GALNTL6: variants seen among roughly 807,000 people sequenced by gnomAD.
The protein encoded by GALNTL6 is polypeptide N-acetylgalactosaminyltransferase-like 6.
Under a neutral mutation model 73.7 loss-of-function variants are expected in GALNTL6, and 46 were observed. The ratio of observed to expected loss-of-function variants is 0.62; its 90% CI spans 0.49 to 0.80. The LOEUF (loss-of-function observed/expected upper bound fraction) is 0.80. Among genes scored for constraint, GALNTL6 ranks in the 30% least tolerant of loss-of-function variants. The pLI is 0.00. For synonymous variants in GALNTL6, 259 were observed against 263.7 expected, an observed-to-expected ratio of 0.98 and a Z score of 0.17; for missense variants, 604 against 755.0, an observed-to-expected ratio of 0.80 and a Z score of 2.34.
intron 2 of GALNTL6, among the ~76,000 whole-genome samples, chr4:172,122,820 G>T (rs1234577531): frequency 6.6e-6 from 1 of 152,136 alleles, no homozygotes; most frequent in Non-Finnish European, 1.5e-5. Context: ...TCTTTCCTGG[G>T]GGGAACCCTT....
intron 8 of GALNTL6, among the ~76,000 whole-genome samples, chr4:172,903,707 T>G (rs184286191): frequency 1.1e-4 from 17 of 152,328 alleles, no homozygotes; most frequent in Non-Finnish European, 4.4e-5. Flanking sequence ...ATTTCTAGTT[T>G]GAGGTCCTTC....
At chr4:172,768,624 G>T (rs868403374) in intron 5 of GALNTL6, among the ~76,000 whole-genome samples, 1 of 152,132 alleles carries the variant, frequency 6.6e-6, no homozygotes, top group African/African-American at 2.4e-5. Flanking sequence ...CTGGAAAAGG[G>T]TGATTTCTTG....
At position 171,833,652 on chromosome 4, in the gene GALNTL6, C is replaced by T. The variant is rs72981988; in HGVS notation, c.138+18934C>T. On this transcript the variant is annotated intron_variant, in intron 2 of 12. Transcript: ENST00000506823. ...CTCTTCTGCTCTTCTGGTTTCTTAG[C>T]GTATTGTCTAAATCATAATATAATG... is the stretch of plus-strand genomic sequence containing the variant. Among the ~76,000 whole-genome samples the T allele has an allele frequency of 9.5e-3, 1,434 of 151,648 alleles. 23 individuals are homozygous for T. The highest frequency in any genetic ancestry group is 0.033 in the African/African-American group (1,376 of 41,432).
intron 2 of GALNTL6, among the ~76,000 whole-genome samples, chr4:171,992,556 A>C (rs1740371557): frequency 6.6e-6 from 1 of 152,102 alleles, no homozygotes; most frequent in South Asian, 2.1e-4. Flanking sequence ...TAAAACTGAT[A>C]GTTGGGAAAA....
intron 3 of GALNTL6, among the ~76,000 whole-genome samples, chr4:172,278,696 A>G (rs1164224727): frequency 2.0e-5 from 3 of 152,206 alleles, no homozygotes; most frequent in Non-Finnish European, 4.4e-5. Flanking sequence ...TTCAATATTC[A>G]TATTGATCGA....
At position 172,088,504 on chromosome 4, in the gene GALNTL6, G is replaced by A. The variant is rs537271490; in HGVS notation, c.139-141152G>A. ...AAGAAGAGTTAGGAGAAATGGGGCC[G>A]TCTGAGGGATAGTAAATGCTTTTTA... On this transcript the variant is annotated intron_variant, in intron 2 of 12. Transcript: ENST00000506823. 7.7e-4 allele frequency among the ~76,000 whole-genome samples: 118 copies of A among 152,260 alleles called. 2 individuals carry two copies. In the South Asian group the frequency reaches 0.021, roughly 27 times the overall value.
intron 2 of GALNTL6, among the ~76,000 whole-genome samples, chr4:172,187,344 A>C (rs886687892): frequency 6.6e-6 from 1 of 152,098 alleles, no homozygotes; most frequent in Non-Finnish European, 1.5e-5. Context: ...AAATACATTA[A>C]AACCTCATTC....
intron 5 of GALNTL6, among the ~76,000 whole-genome samples, chr4:172,601,535 A>G (rs779386535): frequency 1.3e-5 from 2 of 152,136 alleles, no homozygotes; most frequent in South Asian, 4.1e-4. Context: ...ATCACTTTGT[A>G]TGTGCCAACT....
chr4:172,395,831 G>A (rs755947377), intron 5 of GALNTL6, among the ~76,000 whole-genome samples: 11 of 152,010 alleles, frequency 7.2e-5, no homozygotes, highest in African/African-American at 2.2e-4. Context: ...GAAATCAACC[G>A]GCAACATTAA....
chr4:172,401,331 T>C (rs572657665), intron 5 of GALNTL6, among the ~76,000 whole-genome samples: 61 of 152,276 alleles, frequency 4.0e-4, no homozygotes, highest in South Asian at 1.2e-3. Context: ...ATTGTATTGT[T>C]ATTAATATCA....
At chr4:171,993,208 A>T (rs199724775) in intron 2 of GALNTL6, among the ~76,000 whole-genome samples, 73 of 140,032 alleles carry the variant, frequency 5.2e-4, no homozygotes, top group Admixed American at 2.8e-3. Flanking sequence ...AGTATATATA[A>T]GAGAAAAATA....
At chr4:172,961,186 G>T (rs1285131856) in intron 10 of GALNTL6, among the ~76,000 whole-genome samples, 1 of 133,328 alleles carries the variant, frequency 7.5e-6, no homozygotes, top group African/African-American at 2.9e-5. Context: ...GGTGGGGGGT[G>T]CTTGCCCTCC....
intron 10 of GALNTL6, among the ~76,000 whole-genome samples, chr4:172,994,110 A>G (rs778874682): frequency 1.3e-5 from 2 of 152,154 alleles, no homozygotes; most frequent in Non-Finnish European, 2.9e-5. Context: ...CACGTATGAG[A>G]TTTTTCAGAA....
chr4:172,537,585 G>A (rs1282504595), intron 5 of GALNTL6, among the ~76,000 whole-genome samples: 1 of 152,092 alleles, frequency 6.6e-6, no homozygotes, highest in Non-Finnish European at 1.5e-5. Context: ...CTAGTCTTGG[G>A]TGTGTCCTTA....
intron 5 of GALNTL6, among the ~76,000 whole-genome samples, chr4:172,741,906 C>T (rs893009068): frequency 6.6e-6 from 1 of 151,764 alleles, no homozygotes; most frequent in Non-Finnish European, 1.5e-5. Context: ...CACCTGAACA[C>T]TCTGTAACCT....
intron 5 of GALNTL6, among the ~76,000 whole-genome samples, chr4:172,703,452 A>T (rs1157735154): frequency 1.3e-5 from 2 of 152,000 alleles, no homozygotes; most frequent in South Asian, 2.1e-4. Flanking sequence ...GGAGATAATC[A>T]TATGGTTTCT....
At position 172,900,631 on chromosome 4, in the gene GALNTL6, AAAAGCATT is replaced by A. The variant is rs1281936606; in HGVS notation, c.1041+17737_1041+17744del. Among the ~76,000 whole-genome samples, 2 of 152,210 alleles carry A rather than the reference AAAAGCATT, an allele frequency of 1.3e-5. 1 individual carries two copies. The highest frequency in any genetic ancestry group is 4.1e-4 in the South Asian group (2 of 4,834). On this transcript the variant is annotated intron_variant, in intron 8 of 12. Coordinates refer to ENST00000506823, the MANE Select transcript of GALNTL6 (RefSeq NM_001034845.3). ...ACATTTCATCCTTAAAGAAAAAAAGAAAAGCATTAAAGCATTAAAGAAAAAAAATGGCA... is the reference window on the plus strand; with the variant it reads ...ACATTTCATCCTTAAAGAAAAAAAGAAAAGCATTAAAGAAAAAAAATGGCA...
chr4:172,195,057 C>T (rs1013747237), intron 2 of GALNTL6, among the ~76,000 whole-genome samples: 3 of 152,056 alleles, frequency 2.0e-5, no homozygotes, highest in African/African-American at 7.2e-5. Context: ...AGACCCATCT[C>T]ACGTGCCAAG....
At chr4:172,758,119 A>C (rs1579443327) in intron 5 of GALNTL6, among the ~76,000 whole-genome samples, 1 of 152,364 alleles carries the variant, frequency 6.6e-6, no homozygotes, top group East Asian at 1.9e-4. Flanking sequence ...ATGTGCACAC[A>C]ACCACCTATG....
Sources: gnomAD v4.1 joint callset for allele counts (sites outside exome capture counted in the v4.1 genomes callset) on GRCh38, gnomAD v4.1.1 for gene constraint, MANE v1.5 for transcripts, NCBI Gene and HGNC (gene_info 2026-07-23, HGNC 2026-07-21) for gene names.